The following SAMD12 variants were observed in gnomAD, a reference collection of about 807,000 sequenced individuals.
SAMD12 encodes sterile alpha motif domain containing 12.
In SAMD12, 9 loss-of-function variants were observed where a neutral mutation model predicts 15.0. The ratio of observed to expected loss-of-function variants is 0.60; its 90% CI spans 0.36 to 1.05. The LOEUF (loss-of-function observed/expected upper bound fraction) is 1.05. Among genes scored for constraint, SAMD12 ranks in the 50% least tolerant of loss-of-function variants. The pLI is 0.01. For missense variants in SAMD12, 230 were observed against 234.2 expected (o/e 0.98, Z 0.12); for synonymous variants, 86 against 90.1 (o/e 0.96, Z 0.25).
At chr8:118,187,402 A>G (rs1424102173), downstream of SAMD12, among the ~76,000 whole-genome samples, 1 of 152,204 alleles carries the variant, frequency 6.6e-6, no homozygotes, top group Non-Finnish European at 1.5e-5. Context: ...ACAGAAAAAA[A>G]TCTCCTCAAC....
At chr8:118,315,170 C>T (rs1815829826) in intron 4 of SAMD12, among the ~76,000 whole-genome samples, 1 of 152,134 alleles carries the variant, frequency 6.6e-6, no homozygotes. Context: ...TCACATGGAA[C>T]CACTGCCATT....
At position 118,424,478 on chromosome 8, in the gene SAMD12, T is replaced by G. The variant is rs182249019; in HGVS notation, c.322+15354A>C. On this transcript the variant is annotated intron_variant, in intron 3 of 3. Transcript: ENST00000314727. ...GAATAATGAATGGAATGTATTCTAT[T>G]GCAGGTCACCACAGTCCAATCTTTC... is the stretch of plus-strand genomic sequence containing the variant. 2.3e-3 allele frequency among the ~76,000 whole-genome samples: 344 copies of G among 152,322 alleles called. 1 individual carries two copies. The highest frequency in any genetic ancestry group is 1.7e-3 in the Non-Finnish European group (114 of 68,030).
the SAMD12 span, among the ~76,000 whole-genome samples, chr8:118,155,446 A>C: frequency 6.6e-6 from 1 of 152,220 alleles, no homozygotes; most frequent in Non-Finnish European, 1.5e-5. Context: ...TGAGAGGCTC[A>C]AGGCAGGAGA....
chr8:118,497,739 G>GGGGGA (rs1824665092), intron 2 of SAMD12, among the ~76,000 whole-genome samples: 1 of 58,242 alleles, frequency 1.7e-5, no homozygotes, highest in African/African-American at 7.7e-5. Context: ...GGGGTGGGGG[G>GGGGGA]AAAGAAAAAA....
At chr8:118,333,856 G>T (rs993653087) in intron 4 of SAMD12, among the ~76,000 whole-genome samples, 1 of 150,346 alleles carries the variant, frequency 6.7e-6, no homozygotes, top group Admixed American at 6.6e-5. Flanking sequence ...GGGGGCGGGG[G>T]TATGTCTGTG....
chr8:118,489,240 TAA>T (rs1190149629), intron 2 of SAMD12, among the ~76,000 whole-genome samples: 1 of 152,190 alleles, frequency 6.6e-6, no homozygotes, highest in African/African-American at 2.4e-5. Context: ...ACTCTGGATA[TAA>T]GTCTTTGCTG....
At chr8:118,235,161 C>T (rs1191524875) in intron 4 of SAMD12, among the ~76,000 whole-genome samples, 5 of 151,990 alleles carry the variant, frequency 3.3e-5, no homozygotes, top group South Asian at 4.2e-4. Context: ...ATTCTCAGTC[C>T]ATTAACAAAT....
chr8:118,617,921 T>TAC (rs1321375486), intron 1 of SAMD12, among the ~76,000 whole-genome samples: 1 of 152,186 alleles, frequency 6.6e-6, no homozygotes, highest in Non-Finnish European at 1.5e-5. Context: ...TAACCGTCTA[T>TAC]ACACAGTCTG....
At chr8:118,283,672 A>C (rs78631354) in intron 4 of SAMD12, among the ~76,000 whole-genome samples, 1 of 152,236 alleles carries the variant, frequency 6.6e-6, no homozygotes, top group African/African-American at 2.4e-5. Flanking sequence ...GGATCTGGTG[A>C]TGAGCCTTCT....
the SAMD12 span, among the ~76,000 whole-genome samples, chr8:118,159,112 A>G: frequency 6.6e-6 from 1 of 152,030 alleles, no homozygotes; most frequent in Non-Finnish European, 1.5e-5. Flanking sequence ...TGAGAAGGAC[A>G]GAAGAGAGAA....
intron 2 of SAMD12, among the ~76,000 whole-genome samples, chr8:118,453,468 C>CAGTTT (rs57511413): frequency 0.024 from 3,688 of 152,196 alleles, 133 homozygotes; most frequent in African/African-American, 0.084. Context: ...ATTCATGCCA[C>CAGTTT]AGTTTAATTC....
rs201951348 is a variant in SAMD12 at position 118,268,095 on chromosome 8, C to CA, written c.434-70364dup. 7.6e-3 allele frequency among the ~76,000 whole-genome samples: 1,150 copies of CA among 151,618 alleles called. 19 individuals are homozygous for CA. The highest frequency in any genetic ancestry group is 0.026 in the African/African-American group (1,095 of 41,384). ...CAACAGAGCAAGGCTTCATCTCAAA[C>CA]AAAAAAAAGAAAGAAAGAAATCCTA... On this transcript the variant is annotated intron_variant, in intron 4 of 4. Coordinates refer to the SAMD12 transcript ENST00000409003.
At chr8:118,530,651 G>C (rs1825660703) in intron 2 of SAMD12, among the ~76,000 whole-genome samples, 1 of 152,112 alleles carries the variant, frequency 6.6e-6, no homozygotes, top group Admixed American at 6.5e-5. Context: ...TCTGTAGGTT[G>C]TCTCTTCACT....
chr8:118,332,895 A>C (rs1014656963), intron 4 of SAMD12, among the ~76,000 whole-genome samples: 1 of 152,130 alleles, frequency 6.6e-6, no homozygotes, highest in African/African-American at 2.4e-5. Flanking sequence ...TTGACCTCCG[A>C]ACCTCTCCCT....
At chr8:118,364,697 A>G (rs1818678825) in intron 4 of SAMD12, among the ~76,000 whole-genome samples, 1 of 152,166 alleles carries the variant, frequency 6.6e-6, no homozygotes, top group Admixed American at 6.5e-5. Context: ...GGGAATCTCC[A>G]TTTGGAAGAA....
At chr8:118,403,407 G>A (rs1820968339) in intron 3 of SAMD12, among the ~76,000 whole-genome samples, 1 of 151,964 alleles carries the variant, frequency 6.6e-6, no homozygotes. Context: ...GTAAGAGTAG[G>A]ATTAGGGAAT....
At chr8:118,303,030 C>T (rs1156724842) in intron 4 of SAMD12, among the ~76,000 whole-genome samples, 2 of 152,182 alleles carry the variant, frequency 1.3e-5, no homozygotes, top group Non-Finnish European at 2.9e-5. Flanking sequence ...ATACATATGG[C>T]TTTAAATTTA....
intron 2 of SAMD12, among the ~76,000 whole-genome samples, chr8:118,523,254 C>T (rs960724302): frequency 6.6e-6 from 1 of 151,960 alleles, no homozygotes; most frequent in Non-Finnish European, 1.5e-5. Flanking sequence ...CAACCTCTTG[C>T]GGAAATGAAA....
intron 2 of SAMD12, among the ~76,000 whole-genome samples, chr8:118,543,631 CTT>C (rs397978436): frequency 1.1e-3 from 124 of 116,544 alleles, no homozygotes; most frequent in African/African-American, 2.4e-3. Context: ...TTCTTTCTTT[CTT>C]TTTTTTTTTT....
Sources: allele counts gnomAD v4.1 joint callset (sites outside exome capture counted in the v4.1 genomes callset), GRCh38; gene constraint gnomAD v4.1.1; transcripts MANE v1.5; gene names NCBI Gene and HGNC (gene_info 2026-07-23, HGNC 2026-07-21).